The following EYS variants were observed in gnomAD, a reference collection of about 807,000 sequenced individuals.
The protein encoded by EYS is EGF-like photoreceptor maintenance factor.
Under a neutral mutation model 282.1 loss-of-function variants are expected in EYS, and 250 were observed. That is an observed-to-expected ratio of 0.89 (90% confidence interval 0.80 to 0.98). The LOEUF (loss-of-function observed/expected upper bound fraction) is 0.98. Among genes scored for constraint, EYS ranks in the 50% least tolerant of loss-of-function variants. EYS has a pLI of 0.00. For missense variants in EYS, 4,016 were observed against 3,709.0 expected (o/e 1.08, Z -2.15); for synonymous variants, 1,355 against 1,282.9 (o/e 1.06, Z -1.20).
chr6:64,707,331 T>C (rs186232827), intron 22 of EYS, among the ~76,000 whole-genome samples: 33 of 152,192 alleles, frequency 2.2e-4, no homozygotes, highest in Admixed American at 1.3e-3. Context: ...CAATGGACTT[T>C]GGGAACTTGG....
chr6:64,179,045 G>A (rs972381265), intron 31 of EYS, among the ~76,000 whole-genome samples: 3 of 151,878 alleles, frequency 2.0e-5, no homozygotes, highest in African/African-American at 7.2e-5. Flanking sequence ...GCAATCCAAA[G>A]CCTCCGGAAC....
intron 12 of EYS, among the ~76,000 whole-genome samples, chr6:65,163,090 G>C (rs771749145): frequency 1.9e-4 from 29 of 151,046 alleles, no homozygotes; most frequent in Non-Finnish European, 2.4e-4. Context: ...TGGTTCTAAA[G>C]TTCTCATAGC....
intron 22 of EYS, among the ~76,000 whole-genome samples, chr6:64,641,748 G>C (rs565291242): frequency 6.6e-6 from 1 of 152,290 alleles, no homozygotes; most frequent in Admixed American, 6.5e-5. Context: ...CGGTGGGTAA[G>C]GGAGCGTTAC....
At chr6:65,484,852 T>C (rs1449193931) in intron 5 of EYS, among the ~76,000 whole-genome samples, 1 of 152,190 alleles carries the variant, frequency 6.6e-6, no homozygotes, top group African/African-American at 2.4e-5. Flanking sequence ...AATAAGGCCT[T>C]CCACCTATTT....
At chr6:64,375,478 T>C (rs944903603) in intron 29 of EYS, among the ~76,000 whole-genome samples, 2 of 152,242 alleles carry the variant, frequency 1.3e-5, no homozygotes, top group Non-Finnish European at 2.9e-5. Flanking sequence ...GCCTCTCGGC[T>C]AATATATGTT....
intron 30 of EYS, among the ~76,000 whole-genome samples, chr6:64,302,776 G>T (rs1298033777): frequency 6.6e-6 from 1 of 152,074 alleles, no homozygotes; most frequent in Non-Finnish European, 1.5e-5. Flanking sequence ...ATTTCAATCA[G>T]CAATGGAAAA....
chr6:63,794,746 A>T (rs1330734062), intron 37 of EYS, among the ~76,000 whole-genome samples: 1 of 152,242 alleles, frequency 6.6e-6, no homozygotes, highest in East Asian at 1.9e-4. Flanking sequence ...GATAATCCAC[A>T]TTTGTATTGC....
chr6:65,458,334 C>G lies in EYS; in HGVS notation c.862+32260G>C, dbSNP rs183682563. On this transcript the variant is annotated intron_variant, in intron 5 of 42. Transcript: ENST00000503581. ...ATTTCTGTCTTCATTCTCCACCAAC[C>G]TATGACTTGCTTGAGGACAGAAACT... 4.9e-4 allele frequency among the ~76,000 whole-genome samples: 75 copies of G among 152,202 alleles called. 2 individuals are homozygous for G. Among genetic ancestry groups the G allele is most frequent in the African/African-American group, 1.6e-3 (66 of 41,564 alleles).
At chr6:65,498,292 CT>C (rs1051230496) in intron 2 of EYS, among the ~76,000 whole-genome samples, 1 of 151,980 alleles carries the variant, frequency 6.6e-6, no homozygotes, top group Admixed American at 6.6e-5. Context: ...TATTGAAATA[CT>C]TTTGTACCTG....
At chr6:64,906,900 ATTAT>A (rs1200660191) in intron 16 of EYS, among the ~76,000 whole-genome samples, 2 of 152,188 alleles carry the variant, frequency 1.3e-5, no homozygotes, top group Non-Finnish European at 2.9e-5. Flanking sequence ...TAGAAAAGAA[ATTAT>A]TTAATTCTTG....
At chr6:65,371,916 A>G (rs1230238196) in intron 8 of EYS, among the ~76,000 whole-genome samples, 1 of 151,454 alleles carries the variant, frequency 6.6e-6, no homozygotes, top group African/African-American at 2.4e-5. Flanking sequence ...TGCAAATTGT[A>G]CTCATATGGA....
At chr6:65,445,839 T>C (rs922894389) in intron 5 of EYS, among the ~76,000 whole-genome samples, 7 of 151,798 alleles carry the variant, frequency 4.6e-5, no homozygotes, top group Non-Finnish European at 1.5e-5. Context: ...CAAGTTAATA[T>C]GTACTGAATG....
At chr6:64,630,633 T>C (rs919543045) in intron 22 of EYS, among the ~76,000 whole-genome samples, 1 of 152,222 alleles carries the variant, frequency 6.6e-6, no homozygotes, top group African/African-American at 2.4e-5. Flanking sequence ...TTTGCTTTCC[T>C]GGAATGAACT....
intron 19 of EYS, among the ~76,000 whole-genome samples, chr6:64,838,643 C>T (rs928820689): frequency 2.6e-5 from 4 of 151,234 alleles, no homozygotes; most frequent in South Asian, 2.1e-4. Context: ...CACACACACA[C>T]GCATGCACGC....
At chr6:63,977,647 C>T (rs939322444) in intron 35 of EYS, among the ~76,000 whole-genome samples, 2 of 151,990 alleles carry the variant, frequency 1.3e-5, no homozygotes, top group African/African-American at 4.8e-5. Flanking sequence ...TTTTCCCCCT[C>T]AGGCAACCAT....
At chr6:63,727,737 A>AAAATATATATATATATATATATAT (rs1554164607) in intron 41 of EYS, among the ~76,000 whole-genome samples, 8 of 36,716 alleles carry the variant, frequency 2.2e-4, no homozygotes, top group Non-Finnish European at 3.4e-4. Context: ...AAAAAAAAAA[A>AAAATATATATATATATATATATAT]ATATATATAT....
intron 21 of EYS, among the ~76,000 whole-genome samples, chr6:64,816,565 AT>A (rs1191129283): frequency 4.6e-5 from 7 of 152,130 alleles, no homozygotes; most frequent in African/African-American, 1.7e-4. Context: ...GGGATTCAAG[AT>A]TTATGCAGGA....
chr6:65,190,981 C>T (rs1236866828), intron 12 of EYS, among the ~76,000 whole-genome samples: 1 of 151,788 alleles, frequency 6.6e-6, no homozygotes, highest in Non-Finnish European at 1.5e-5. Context: ...AATTCTGAAA[C>T]ATTTGCATTG....
rs116356540 is a variant in EYS, at chr6:64,847,118, C to T, written c.2993-24296G>A. 1.9e-3 allele frequency among the ~76,000 whole-genome samples: 295 copies of T among 152,190 alleles called. 1 individual carries two copies. The highest frequency in any genetic ancestry group is 6.8e-3 in the African/African-American group (281 of 41,546). On this transcript the variant is annotated intron_variant, in intron 19 of 42. Transcript: ENST00000503581. ...AAGCTGGAACATTGATTTTCTCCTG[C>T]CTTGAGACTTGGACTTGGATTGCAA...
Sources: gnomAD v4.1 joint callset for allele counts (sites outside exome capture counted in the v4.1 genomes callset) on GRCh38, gnomAD v4.1.1 for gene constraint, MANE v1.5 for transcripts, NCBI Gene and HGNC (gene_info 2026-07-23, HGNC 2026-07-21) for gene names.